Variants in LINGO3 observed in about 807,000 individuals in gnomAD.
The protein encoded by LINGO3 is leucine rich repeat and Ig domain containing 3, also known as leucine-rich repeat and immunoglobulin-like domain-containing nogo receptor-interacting protein 3.
For synonymous variants in LINGO3, 427 were observed against 444.2 expected, an observed-to-expected ratio of 0.96 and a Z score of 0.49; for missense variants, 750 against 867.7, an observed-to-expected ratio of 0.86 and a Z score of 1.70.
rs564417092 is a variant in LINGO3, at chr19:2,290,910, C to T, written c.867G>A (p.Ser289=). The T allele has an allele frequency of 7.8e-5, 125 of 1,611,390 alleles. 1 individual carries two copies. In the South Asian group the frequency reaches 1.4e-3, roughly 18 times the overall value. Residue 289 remains serine, a synonymous_variant, in exon 1 of 1, where the codon TCG becomes TCA. Transcript: ENST00000585527. The surrounding 1 kb of genome is among the most constrained non-coding windows in gnomAD (Gnocchi z 6.0). ...CGCGCAGGCGGACCAGGTCCCGGAA[C>T]GACCCCCGCGGCACCGTGCTGATGG...
chr19:2,297,391 G>A, the LINGO3 span, among the ~76,000 whole-genome samples: 4 of 131,260 alleles, frequency 3.0e-5, no homozygotes, highest in African/African-American at 8.6e-5. Flanking sequence ...TGCAACCTCC[G>A]CCTCCCAGGT....
chr19:2,302,894 ACTCTCCTCCTC>A, the LINGO3 span, among the ~76,000 whole-genome samples: 1 of 151,412 alleles, frequency 6.6e-6, no homozygotes, highest in African/African-American at 2.4e-5. Flanking sequence ...GCACCCCAGG[ACTCTCCTCCTC>A]TTCCTAAGCC....
exon 1 of LINGO3, chr19:2,291,347 A>G: frequency 6.2e-7 from 1 of 1,613,268 alleles, no homozygotes; most frequent in Non-Finnish European, 8.5e-7. Context: ...TGGAAAGTGT[A>G]GTCCAGCAGG....
At position 2,290,917 on chromosome 19, in the gene LINGO3, C is replaced by G; in HGVS notation, c.860G>C (p.Arg287Pro). ...GCGGACCAGGTCCCGGAACGACCCC[C>G]GCGGCACCGTGCTGATGGGGTTGTG... Residue 287 changes from arginine to proline, a missense_variant, in exon 1 of 1, where the codon CGG (arginine) becomes CCG (proline). By Grantham distance (103) the Arg-to-Pro change is moderately radical. Transcript: ENST00000585527. The surrounding 1 kb of genome is among the most constrained non-coding windows in gnomAD (Gnocchi z 6.0). 6.2e-7 allele frequency: 1 copy of G among 1,611,648 alleles called. No individual in the cohort carries two copies. The highest frequency in any genetic ancestry group is 8.5e-7 in the Non-Finnish European group (1 of 1,179,364).
At chr19:2,299,786 C>G in the LINGO3 span, among the ~76,000 whole-genome samples, 5,138 of 140,266 alleles carry the variant, frequency 0.037, 326 homozygotes, top group African/African-American at 0.13. Context: ...TGCAGTGGTG[C>G]GATCTCGGCT....
the LINGO3 span, among the ~76,000 whole-genome samples, chr19:2,306,270 C>T: frequency 2.0e-5 from 3 of 152,210 alleles, no homozygotes; most frequent in South Asian, 4.1e-4. Flanking sequence ...GGATCTGACG[C>T]CAGCTCCTAC....
rs1480196149 is a variant in LINGO3 at position 2,290,241 on chromosome 19, G to C, written c.1536C>G (p.Asn512Lys). 6.2e-7 allele frequency: 1 copy of C among 1,604,556 alleles called. No individual in the cohort carries two copies. The highest frequency in any genetic ancestry group is 8.5e-7 in the Non-Finnish European group (1 of 1,177,856). ...GCGCGCGCAGGGCCGCCAGCGTCTC[G>C]TTGTGGGCCTCGCCCGGGGTCCGGT... Residue 512 changes from asparagine to lysine, a missense_variant, in exon 1 of 1, where the codon AAC (asparagine) becomes AAG (lysine). Physicochemically the swap from Asn to Lys is moderately conservative, Grantham distance 94. Transcript: ENST00000585527. This position sits in a 1 kb window ranked among gnomAD's most constrained non-coding sequence, Gnocchi z 6.0.
the LINGO3 span, among the ~76,000 whole-genome samples, chr19:2,299,646 G>A: frequency 0.044 from 6,475 of 145,542 alleles, 483 homozygotes; most frequent in African/African-American, 0.16. Flanking sequence ...GGATGGTCTC[G>A]ATCTCCTGAC....
the LINGO3 span, among the ~76,000 whole-genome samples, chr19:2,306,268 C>T: frequency 7.2e-3 from 1,099 of 152,332 alleles, 8 homozygotes; most frequent in South Asian, 0.012. Context: ...CTGGATCTGA[C>T]GCCAGCTCCT....
the LINGO3 span, among the ~76,000 whole-genome samples, chr19:2,303,131 C>T: frequency 1.1e-4 from 16 of 152,266 alleles, 1 homozygote; most frequent in African/African-American, 3.9e-4. Flanking sequence ...GCAGTCACTC[C>T]CAGCCCCTCC....
chr19:2,306,676 G>A, the LINGO3 span, among the ~76,000 whole-genome samples: 1 of 152,064 alleles, frequency 6.6e-6, no homozygotes, highest in Non-Finnish European at 1.5e-5. Context: ...TCTGAGAGAG[G>A]GGACGTCATT....
downstream of LINGO3, among the ~76,000 whole-genome samples, chr19:2,289,241 CG>C (rs1400686659): frequency 2.0e-5 from 3 of 148,046 alleles, no homozygotes; most frequent in African/African-American, 5.0e-5. Flanking sequence ...CTGTGTGTCC[CG>C]GGTGTGAGCT....
chr19:2,288,759 AGGTCGGCTGGGAGAT>A, downstream of LINGO3, among the ~76,000 whole-genome samples: 1 of 152,254 alleles, frequency 6.6e-6, no homozygotes, highest in East Asian at 1.9e-4. This position sits in a 1 kb window ranked among gnomAD's most constrained non-coding sequence, Gnocchi z 6.5. Context: ...CCAGGCCCCG[AGGTCGGCTGGGAGAT>A]GCTCAGCTGA....
the LINGO3 span, among the ~76,000 whole-genome samples, chr19:2,303,456 A>C: frequency 6.6e-6 from 1 of 151,652 alleles, no homozygotes; most frequent in Non-Finnish European, 1.5e-5. Context: ...TCAGCAGGGT[A>C]CAGCTAAGCG....
chr19:2,299,409 C>G, the LINGO3 span, among the ~76,000 whole-genome samples: 12 of 152,086 alleles, frequency 7.9e-5, no homozygotes, highest in African/African-American at 2.9e-4. Context: ...CCTCCCTGGT[C>G]TCTTATTTTT....
At chr19:2,295,412 C>T (rs570798166), upstream of LINGO3, among the ~76,000 whole-genome samples, 2 of 152,272 alleles carry the variant, frequency 1.3e-5, no homozygotes, top group South Asian at 2.1e-4. Context: ...GCTTGAGCTT[C>T]GACTTCCAGA....
upstream of LINGO3, among the ~76,000 whole-genome samples, chr19:2,293,235 T>C (rs945709668): frequency 6.6e-6 from 1 of 151,960 alleles, no homozygotes; most frequent in African/African-American, 2.4e-5. Flanking sequence ...TGGCTAATTT[T>C]TTGTGTTTTT....
chr19:2,297,568 G>A, the LINGO3 span, among the ~76,000 whole-genome samples: 6 of 149,552 alleles, frequency 4.0e-5, no homozygotes, highest in Admixed American at 2.0e-4. Context: ...TTCCCAAAGT[G>A]CTGGGATTAC....
chr19:2,297,951 G>A, the LINGO3 span, among the ~76,000 whole-genome samples: 1 of 151,454 alleles, frequency 6.6e-6, no homozygotes, highest in Admixed American at 6.6e-5. Context: ...AGTCTGGAAT[G>A]GCAGGATCTC....
Sources: allele counts gnomAD v4.1 joint callset (sites outside exome capture counted in the v4.1 genomes callset), GRCh38; gene constraint gnomAD v4.1.1; non-coding constraint Gnocchi (gnomAD v3.1); transcripts MANE v1.5; gene names NCBI Gene and HGNC (gene_info 2026-07-23, HGNC 2026-07-21).